RELN: variants seen among roughly 807,000 people sequenced by gnomAD.
RELN encodes reelin.
Under a neutral mutation model 427.6 loss-of-function variants are expected in RELN, and 108 were observed. That is an observed-to-expected ratio of 0.25 (90% CI 0.22 to 0.30). The LOEUF (loss-of-function observed/expected upper bound fraction) is 0.30. Among genes scored for constraint, RELN ranks in the 10% least tolerant of loss-of-function variants. The pLI, the probability that RELN is intolerant of heterozygous loss-of-function variation, is 1.00. For synonymous variants in RELN, 1,524 were observed against 1,513.4 expected, an observed-to-expected ratio of 1.01 and a Z score of -0.16; for missense variants, 3,715 against 4,302.8, an observed-to-expected ratio of 0.86 and a Z score of 3.82.
intron 6 of RELN, among the ~76,000 whole-genome samples, chr7:103,741,860 G>A (rs200011597): frequency 6.6e-5 from 10 of 152,184 alleles, no homozygotes; most frequent in South Asian, 2.1e-4. Flanking sequence ...AGCTCCCAGC[G>A]TGAGCGACGC....
intron 1 of RELN, among the ~76,000 whole-genome samples, chr7:103,933,574 G>A (rs1191612498): frequency 6.6e-6 from 1 of 151,936 alleles, no homozygotes; most frequent in African/African-American, 2.4e-5. Flanking sequence ...AAGAAGGAAG[G>A]CCTTTCTATG....
At chr7:103,619,648 A>G (rs1398421238) in intron 20 of RELN, among the ~76,000 whole-genome samples, 2 of 152,266 alleles carry the variant, frequency 1.3e-5, no homozygotes, top group African/African-American at 4.8e-5. Context: ...AGCTGGAGCA[A>G]TCTGTGGACA....
intron 2 of RELN, among the ~76,000 whole-genome samples, chr7:103,899,077 C>T (rs553239377): frequency 2.6e-5 from 4 of 151,978 alleles, no homozygotes; most frequent in Admixed American, 1.3e-4. Context: ...AGAGAAGAAT[C>T]GAATAAACGC....
intron 6 of RELN, among the ~76,000 whole-genome samples, chr7:103,739,320 G>GTT (rs1790579227): frequency 6.6e-6 from 1 of 152,208 alleles, no homozygotes; most frequent in Non-Finnish European, 1.5e-5. Flanking sequence ...AAAATACGAC[G>GTT]TATTTGTGGT....
At chr7:103,629,916 CA>C in intron 20 of RELN, 23 bp downstream of exon 20, 3 of 1,363,472 alleles carry the variant, frequency 2.2e-6, no homozygotes, top group Non-Finnish European at 3.2e-6. Flanking sequence ...CAAATTGTAA[CA>C]ATAACAATGA....
intron 28 of RELN, among the ~76,000 whole-genome samples, chr7:103,584,967 G>A (rs1248888102): frequency 6.6e-6 from 1 of 152,058 alleles, no homozygotes; most frequent in African/African-American, 2.4e-5. Flanking sequence ...ACTGATCTTT[G>A]AGTAAGTGAT....
At chr7:103,667,081 C>T (rs967333945) in intron 11 of RELN, among the ~76,000 whole-genome samples, 1 of 152,208 alleles carries the variant, frequency 6.6e-6, no homozygotes, top group Non-Finnish European at 1.5e-5. Context: ...CCTCCCCTAT[C>T]CTAGGGCTAC....
At chr7:103,934,538 C>T (rs1795937698) in intron 1 of RELN, among the ~76,000 whole-genome samples, 1 of 152,192 alleles carries the variant, frequency 6.6e-6, no homozygotes, top group African/African-American at 2.4e-5. Flanking sequence ...CTCAGAATCA[C>T]AACTTCCAAG....
chr7:103,603,236 T>C lies in RELN; in HGVS notation c.3333+68A>G, dbSNP rs1167113067. The C allele has an allele frequency of 4.0e-6, 5 of 1,265,818 alleles. No homozygotes were observed. The East Asian group carries it at 9.3e-5, about 23-fold the overall frequency. The allele number at this position is 1,265,818 out of a possible 1,614,324, so 78.4% of individuals were successfully genotyped here. On this transcript the variant is annotated intron_variant, in intron 24 of 64. Coordinates refer to ENST00000428762, the MANE Select transcript of RELN (RefSeq NM_005045.4). This position sits in a 1 kb window ranked among gnomAD's most constrained non-coding sequence, Gnocchi z 4.3. ...AATAGAACCACTTCATATTTGTACA[T>C]TTGGAATTCAGAGTCTCATATTAAA...
chr7:103,880,619 C>A (rs1222800008), intron 2 of RELN, among the ~76,000 whole-genome samples: 1 of 152,192 alleles, frequency 6.6e-6, no homozygotes, highest in Non-Finnish European at 1.5e-5. Context: ...TGGCCTGGAA[C>A]AAGATGCTTA....
chr7:103,485,078 A>T (rs529616655), intron 61 of RELN, among the ~76,000 whole-genome samples: 1 of 152,300 alleles, frequency 6.6e-6, no homozygotes, highest in East Asian at 1.9e-4. Flanking sequence ...AGGTGGTGGA[A>T]TAAAGAGCTA....
At chr7:103,962,775 T>C (rs1343679534) in intron 1 of RELN, among the ~76,000 whole-genome samples, 3 of 152,138 alleles carry the variant, frequency 2.0e-5, no homozygotes, top group African/African-American at 7.2e-5. Context: ...ATAGAACACA[T>C]TTTGAACTGA....
chr7:103,851,933 T>C (rs1197914188), intron 2 of RELN, among the ~76,000 whole-genome samples: 1 of 152,188 alleles, frequency 6.6e-6, no homozygotes, highest in South Asian at 2.1e-4. Context: ...GTCTTGATGA[T>C]AACAGAGGCC....
At chr7:103,579,338 C>T (rs1831074869) in intron 28 of RELN, among the ~76,000 whole-genome samples, 1 of 152,106 alleles carries the variant, frequency 6.6e-6, no homozygotes, top group African/African-American at 2.4e-5. Flanking sequence ...GTGGCTCACG[C>T]CTGTAATCCC....
intron 11 of RELN, among the ~76,000 whole-genome samples, chr7:103,680,935 G>A (rs1285520513): frequency 1.3e-5 from 2 of 152,122 alleles, no homozygotes; most frequent in East Asian, 3.9e-4. Context: ...CAGAGGCTTA[G>A]CCTGCTGTGC....
chr7:103,912,005 T>TA (rs996263330), intron 2 of RELN, among the ~76,000 whole-genome samples: 177 of 151,150 alleles, frequency 1.2e-3, no homozygotes, highest in African/African-American at 4.2e-3. Flanking sequence ...AAAGTATAAT[T>TA]AAAAAAAAAA....
At position 103,573,977 on chromosome 7, in the gene RELN, A is replaced by C; in HGVS notation, c.4511+115T>G. The C allele has an allele frequency of 1.2e-6, 1 of 861,436 alleles. No individual in the cohort carries two copies. The highest frequency in any genetic ancestry group is 1.9e-6 in the Non-Finnish European group (1 of 513,392). The allele number at this position is 861,436 out of a possible 1,614,324, so 53.4% of individuals were successfully genotyped here. On this transcript the variant is annotated intron_variant, in intron 30 of 64. Coordinates refer to ENST00000428762, the MANE Select transcript of RELN (RefSeq NM_005045.4). This position sits in a 1 kb window ranked among gnomAD's most constrained non-coding sequence, Gnocchi z 4.4. ...TTCATTTTTACATATCATAATCTAT[A>C]TACAGAAACATTATTGTATATATTC...
intron 1 of RELN, among the ~76,000 whole-genome samples, chr7:103,970,806 T>G (rs559743896): frequency 6.6e-6 from 1 of 152,346 alleles, no homozygotes; most frequent in Non-Finnish European, 1.5e-5. Context: ...AATTCAGTGT[T>G]CACAGTCTTC....
Position 103,640,526 on chromosome 7 carries a change from T to C in RELN, c.2069+17A>G. The C allele has an allele frequency of 6.2e-7, 1 of 1,612,824 alleles. No individual in the cohort carries two copies. The highest frequency in any genetic ancestry group is 8.5e-7 in the Non-Finnish European group (1 of 1,178,960). ...CATCAAAAAGGAGAAGCATAAGTGTTATTTTAAGATGCTTACTTGCAACCA... is the reference window on the plus strand; with the variant it reads ...CATCAAAAAGGAGAAGCATAAGTGTCATTTTAAGATGCTTACTTGCAACCA... On this transcript the variant is annotated intron_variant, in intron 17 of 64. Transcript: ENST00000428762. This position sits in a 1 kb window ranked among gnomAD's most constrained non-coding sequence, Gnocchi z 4.1.
Sources: gnomAD v4.1 joint callset for allele counts (sites outside exome capture counted in the v4.1 genomes callset) on GRCh38, gnomAD v4.1.1 for gene constraint, Gnocchi (gnomAD v3.1) non-coding constraint, MANE v1.5 for transcripts, NCBI Gene and HGNC (gene_info 2026-07-23, HGNC 2026-07-21) for gene names.